The following CATSPERT variants were observed in gnomAD, a reference collection of about 807,000 sequenced individuals.
CATSPERT encodes catsper channel auxiliary subunit tau, also known as cation channel sperm-associated targeting subunit tau.
At chr2:201,494,689 C>A in the CATSPERT span, 1 of 1,533,620 alleles carries the variant, frequency 6.5e-7, no homozygotes, top group Non-Finnish European at 8.7e-7. Context: ...TTGATCTTTT[C>A]TTTTTCTGAC....
the CATSPERT span, among the ~76,000 whole-genome samples, chr2:201,532,063 T>A: frequency 6.6e-6 from 1 of 151,946 alleles, no homozygotes. Flanking sequence ...TGATAGCAAT[T>A]ACAGTGGTGG....
the CATSPERT span, among the ~76,000 whole-genome samples, chr2:201,584,003 C>T: frequency 6.6e-6 from 1 of 152,244 alleles, no homozygotes; most frequent in Non-Finnish European, 1.5e-5. Flanking sequence ...TCTGATGCAG[C>T]TTTGGAGAAT....
At chr2:201,613,131 C>T in the CATSPERT span, among the ~76,000 whole-genome samples, 1 of 152,326 alleles carries the variant, frequency 6.6e-6, no homozygotes. Flanking sequence ...GGGGGCAGGG[C>T]ATAGCTGAAC....
At chr2:201,491,210 G>C in the CATSPERT span, 1 of 1,537,242 alleles carries the variant, frequency 6.5e-7, no homozygotes, top group South Asian at 1.2e-5. Context: ...AGTGTCCTTG[G>C]AACAGACTTC....
At chr2:201,581,477 AAT>A in the CATSPERT span, among the ~76,000 whole-genome samples, 150 of 14,820 alleles carry the variant, frequency 0.01, 1 homozygote, top group African/African-American at 0.028. Context: ...CACATTCCGG[AAT>A]ATATATATAT....
chr2:201,603,018 T>C, the CATSPERT span, among the ~76,000 whole-genome samples: 1 of 152,218 alleles, frequency 6.6e-6, no homozygotes, highest in African/African-American at 2.4e-5. Context: ...ACTTCAGATA[T>C]TCTAGCCCTT....
chr2:201,603,922 T>C, the CATSPERT span, among the ~76,000 whole-genome samples: 1 of 152,166 alleles, frequency 6.6e-6, no homozygotes, highest in Non-Finnish European at 1.5e-5. Flanking sequence ...ACATTGTATA[T>C]GATAGGAGGT....
chr2:201,604,844 A>C, the CATSPERT span: 1 of 436,714 alleles, frequency 2.3e-6, no homozygotes, highest in Non-Finnish European at 4.0e-6. Flanking sequence ...ACTCATCCCT[A>C]TCCTCAATAA....
the CATSPERT span, among the ~76,000 whole-genome samples, chr2:201,588,110 A>C: frequency 1.3e-5 from 2 of 152,130 alleles, no homozygotes; most frequent in African/African-American, 2.4e-5. Context: ...TATTCCCCAA[A>C]ATTGAGCAGA....
chr2:201,600,627 A>G, the CATSPERT span, among the ~76,000 whole-genome samples: 5 of 152,238 alleles, frequency 3.3e-5, no homozygotes, highest in African/African-American at 1.2e-4. Context: ...ACACTTAAAC[A>G]GATAAAGTCT....
the CATSPERT span, among the ~76,000 whole-genome samples, chr2:201,532,147 C>T: frequency 2.0e-5 from 3 of 152,130 alleles, no homozygotes; most frequent in Admixed American, 6.6e-5. Context: ...AGAGAAACCA[C>T]GATATCAAGG....
the CATSPERT span, among the ~76,000 whole-genome samples, chr2:201,508,411 AAGAC>A: frequency 6.6e-6 from 1 of 152,386 alleles, no homozygotes; most frequent in African/African-American, 2.4e-5. Flanking sequence ...TAATTACAGA[AAGAC>A]AGACTGCATT....
At chr2:201,497,495 A>G in the CATSPERT span, among the ~76,000 whole-genome samples, 2 of 152,246 alleles carry the variant, frequency 1.3e-5, no homozygotes, top group African/African-American at 4.8e-5. Flanking sequence ...TGAAAGAACA[A>G]GTAGTAGAAA....
chr2:201,587,000 TC>T, the CATSPERT span, among the ~76,000 whole-genome samples: 1 of 152,072 alleles, frequency 6.6e-6, no homozygotes, highest in Non-Finnish European at 1.5e-5. Flanking sequence ...TCTCCTTTCT[TC>T]CTTCCTAATA....
the CATSPERT span, among the ~76,000 whole-genome samples, chr2:201,568,469 A>G: frequency 6.6e-6 from 1 of 152,158 alleles, no homozygotes; most frequent in East Asian, 1.9e-4. Context: ...ATGGAGAAAT[A>G]AGCATTTGCC....
chr2:201,534,371 G>T, the CATSPERT span: 7 of 971,166 alleles, frequency 7.2e-6, no homozygotes, highest in Non-Finnish European at 8.6e-6. Flanking sequence ...GGAGTGGTTT[G>T]TTATACAGCA....
At chr2:201,565,288 G>C in the CATSPERT span, among the ~76,000 whole-genome samples, 7 of 144,674 alleles carry the variant, frequency 4.8e-5, no homozygotes, top group African/African-American at 1.8e-4. Context: ...CTGGTCAACA[G>C]AGCAAGGCCT....
chr2:201,532,783 C>A, the CATSPERT span, among the ~76,000 whole-genome samples: 24 of 152,160 alleles, frequency 1.6e-4, no homozygotes, highest in South Asian at 1.0e-3. Context: ...TTGTCAAATG[C>A]GGCTAAGTAG....
chr2:201,570,309 T>C, the CATSPERT span, among the ~76,000 whole-genome samples: 1 of 152,220 alleles, frequency 6.6e-6, no homozygotes, highest in Non-Finnish European at 1.5e-5. Flanking sequence ...CAGATTTCTG[T>C]CTATATAAAT....
Sources: gnomAD v4.1 joint callset for allele counts (sites outside exome capture counted in the v4.1 genomes callset) on GRCh38, gnomAD v4.1.1 for gene constraint, MANE v1.5 for transcripts, NCBI Gene and HGNC (gene_info 2026-07-23, HGNC 2026-07-21) for gene names.